WSCD2: variants seen among roughly 807,000 people sequenced by gnomAD.
WSCD2 encodes sialate:O-sulfotransferase 2.
Under a neutral mutation model 55.7 loss-of-function variants are expected in WSCD2, and 28 were observed. The ratio of observed to expected loss-of-function variants is 0.50; its 90% CI spans 0.37 to 0.69. The LOEUF is 0.69. WSCD2 is among the 30% of genes least tolerant of loss of function. The pLI is 0.00. For missense variants in WSCD2, 616 were observed against 762.1 expected, an observed-to-expected ratio of 0.81 and a Z score of 2.26; for synonymous variants, 301 against 301.9, an observed-to-expected ratio of 1.00 and a Z score of 0.03.
intron 8 of WSCD2, 58 bp from the exon 9 acceptor site, chr12:108,247,933 G>C: frequency 1.3e-6 from 2 of 1,557,382 alleles, no homozygotes; most frequent in Admixed American, 3.5e-5. Context: ...AGCACCATCT[G>C]ACTGGGTCTT....
At chr12:108,184,887 C>T (rs1289976762) in intron 1 of WSCD2, among the ~76,000 whole-genome samples, 1 of 152,116 alleles carries the variant, frequency 6.6e-6, no homozygotes, top group Non-Finnish European at 1.5e-5. Flanking sequence ...TGTTGGATCT[C>T]CAGGCTTTCT....
At chr12:108,155,528 A>G (rs751724359) in intron 1 of WSCD2, among the ~76,000 whole-genome samples, 28 of 152,212 alleles carry the variant, frequency 1.8e-4, no homozygotes, top group Non-Finnish European at 2.6e-4. Flanking sequence ...ACTGACTGAA[A>G]GGCCTTGCTT....
At chr12:108,179,756 T>C (rs1317681874) in intron 1 of WSCD2, among the ~76,000 whole-genome samples, 1 of 152,248 alleles carries the variant, frequency 6.6e-6, no homozygotes, top group Non-Finnish European at 1.5e-5. Context: ...CTGCCACTTA[T>C]GACCTGCGTC....
At chr12:108,158,627 G>T (rs1033501036) in intron 1 of WSCD2, among the ~76,000 whole-genome samples, 1 of 152,088 alleles carries the variant, frequency 6.6e-6, no homozygotes, top group Non-Finnish European at 1.5e-5. Context: ...GAAGATAGAG[G>T]TGGCAATGAT....
chr12:108,134,137 G>T, intron 1 of WSCD2, among the ~76,000 whole-genome samples: 1 of 152,172 alleles, frequency 6.6e-6, no homozygotes, highest in Non-Finnish European at 1.5e-5. Flanking sequence ...GAGGTCAGGA[G>T]CTGGTGAGGA....
chr12:108,215,275 C>A (rs1277478706), intron 4 of WSCD2, among the ~76,000 whole-genome samples: 1 of 152,184 alleles, frequency 6.6e-6, no homozygotes, highest in African/African-American at 2.4e-5. Context: ...TGGAATCAGG[C>A]ATAATGTTTC....
chr12:108,187,454 C>G (rs184517294), intron 1 of WSCD2, among the ~76,000 whole-genome samples: 1 of 152,216 alleles, frequency 6.6e-6, no homozygotes, highest in Non-Finnish European at 1.5e-5. Context: ...GTTTAGCATA[C>G]GGTTAAGAGT....
intron 1 of WSCD2, among the ~76,000 whole-genome samples, chr12:108,145,620 C>G (rs1469446796): frequency 1.3e-5 from 2 of 152,202 alleles, no homozygotes; most frequent in East Asian, 3.8e-4. Flanking sequence ...TGCCCTATGA[C>G]TCTGCTGTTT....
At chr12:108,160,305 A>T (rs1408380097) in intron 1 of WSCD2, among the ~76,000 whole-genome samples, 2 of 152,202 alleles carry the variant, frequency 1.3e-5, no homozygotes, top group African/African-American at 4.8e-5. Context: ...AGGATATGAC[A>T]AGATAGTATA....
At chr12:108,139,460 G>T (rs1470591127) in intron 1 of WSCD2, among the ~76,000 whole-genome samples, 2 of 152,100 alleles carry the variant, frequency 1.3e-5, no homozygotes, top group Non-Finnish European at 2.9e-5. Context: ...AGGAGATTAG[G>T]GTCCAGAGTA....
chr12:108,179,180 T>C (rs1367295553), intron 1 of WSCD2, among the ~76,000 whole-genome samples: 1 of 150,664 alleles, frequency 6.6e-6, no homozygotes, highest in East Asian at 2.0e-4. Context: ...ACCAGCAGCA[T>C]CAACATCGCC....
rs1883822400 is a variant in WSCD2, at chr12:108,195,699, C to A, written c.-134C>A. 7 of 1,305,926 alleles carry A rather than the reference C, an allele frequency of 5.4e-6. No homozygotes were observed. The highest frequency in any genetic ancestry group is 2.7e-5 in the Admixed American group (1 of 36,458). The allele number at this position is 1,305,926 out of a possible 1,614,324, so 80.9% of individuals were successfully genotyped here. A position where few individuals can be genotyped will look rare whatever the true frequency, so the allele number is the denominator to read the frequency against. The stretch of plus-strand genomic sequence containing the variant: ...CCTCCCCTTCTGGCCTTGGTGATCA[C>A]TTTTTCAGGAAGAGTGAGACTGAGG... On this transcript the variant is annotated 5_prime_UTR_variant, in exon 2 of 9. Coordinates refer to ENST00000547525, the MANE Select transcript of WSCD2 (RefSeq NM_014653.4).
At chr12:108,164,377 A>G in intron 1 of WSCD2, among the ~76,000 whole-genome samples, 1 of 151,846 alleles carries the variant, frequency 6.6e-6, no homozygotes. Context: ...TGAACTTCAT[A>G]TGAATGGGAT....
chr12:108,139,924 G>A (rs967445397), intron 1 of WSCD2, among the ~76,000 whole-genome samples: 2 of 152,144 alleles, frequency 1.3e-5, no homozygotes, highest in African/African-American at 2.4e-5. Flanking sequence ...GGGTTAGAGA[G>A]ACCATCAGCT....
intron 1 of WSCD2, among the ~76,000 whole-genome samples, chr12:108,165,496 G>T (rs1879514899): frequency 6.6e-6 from 1 of 152,182 alleles, no homozygotes; most frequent in Admixed American, 6.5e-5. Context: ...TTCCCAAAGA[G>T]CTAGGATTAT....
chr12:108,214,708 C>A (rs1052317092), intron 4 of WSCD2, among the ~76,000 whole-genome samples: 2 of 152,182 alleles, frequency 1.3e-5, no homozygotes, highest in Admixed American at 6.5e-5. Context: ...CACTGCACTG[C>A]CTAAAACCCC....
intron 1 of WSCD2, among the ~76,000 whole-genome samples, chr12:108,180,138 T>G (rs2136997520): frequency 6.6e-6 from 1 of 151,884 alleles, no homozygotes; most frequent in Non-Finnish European, 1.5e-5. Context: ...AAATTGGGAT[T>G]GATTTTGCTT....
intron 1 of WSCD2, among the ~76,000 whole-genome samples, chr12:108,185,761 G>A (rs1467025991): frequency 2.0e-5 from 3 of 152,022 alleles, no homozygotes; most frequent in Non-Finnish European, 4.4e-5. Context: ...TCTGCCTCTT[G>A]GGTAAACACT....
At chr12:108,166,791 G>GTCTT (rs1221291538) in intron 1 of WSCD2, among the ~76,000 whole-genome samples, 1,126 of 31,732 alleles carry the variant, frequency 0.035, 19 homozygotes, top group African/African-American at 0.083. Flanking sequence ...CTTTCTTTCT[G>GTCTT]TCTTTCTTTC....
Sources: allele counts gnomAD v4.1 joint callset (sites outside exome capture counted in the v4.1 genomes callset), GRCh38; gene constraint gnomAD v4.1.1; transcripts MANE v1.5; gene names NCBI Gene and HGNC (gene_info 2026-07-23, HGNC 2026-07-21).